The following LRRC27 variants were observed in gnomAD, a reference collection of about 807,000 sequenced individuals.
LRRC27 encodes leucine-rich repeat-containing protein 27.
A neutral mutation model predicts 55.0 loss-of-function variants in LRRC27; 57 were observed. That is an observed-to-expected ratio of 1.04 (90% CI 0.84 to 1.29). The LOEUF (loss-of-function observed/expected upper bound fraction) is 1.29, where lower values mean the gene tolerates loss of function less well. Ranked by LOEUF, LRRC27 falls within the 50% of genes most tolerant of loss-of-function variation. The probability of loss-of-function intolerance (pLI) is 0.00; values close to 1 mark genes in which losing one functional copy is unlikely to be tolerated. For missense variants in LRRC27, 721 were observed against 651.5 expected (o/e 1.11, Z -1.16); for synonymous variants, 278 against 251.9 (o/e 1.10, Z -0.98).
intron 10 of LRRC27, chr10:132,367,038 C>G: frequency 1.8e-6 from 2 of 1,101,400 alleles, no homozygotes; most frequent in South Asian, 3.8e-5. Flanking sequence ...CCTTGGACAC[C>G]CAAACCCTGC....
chr10:132,338,390 A>G (rs1479441394), intron 3 of LRRC27, among the ~76,000 whole-genome samples: 5 of 152,220 alleles, frequency 3.3e-5, no homozygotes, highest in Admixed American at 6.5e-5. Flanking sequence ...GGTTCTTGGC[A>G]AATAGTGAGA....
At chr10:132,373,050 G>A (rs1476145254) in intron 10 of LRRC27, among the ~76,000 whole-genome samples, 1 of 152,154 alleles carries the variant, frequency 6.6e-6, no homozygotes, top group African/African-American at 2.4e-5. Flanking sequence ...TGACAAGCCA[G>A]AATTAAAATC....
At chr10:132,365,337 A>G (rs1362920945) in intron 9 of LRRC27, 87 bp from the exon 10 acceptor site, 23 of 1,542,344 alleles carry the variant, frequency 1.5e-5, no homozygotes, top group Non-Finnish European at 2.0e-5. Flanking sequence ...GAAGAAAGGC[A>G]CATGCTTTCT....
intron 8 of LRRC27, among the ~76,000 whole-genome samples, chr10:132,360,408 T>C (rs1354355977): frequency 6.6e-6 from 1 of 152,172 alleles, no homozygotes; most frequent in Non-Finnish European, 1.5e-5. Flanking sequence ...GATTTAGCAT[T>C]TGTTCTTTTC....
chr10:132,357,015 C>A (rs547343676), intron 8 of LRRC27, among the ~76,000 whole-genome samples: 1 of 152,258 alleles, frequency 6.6e-6, no homozygotes, highest in Non-Finnish European at 1.5e-5. Flanking sequence ...GGCCTGCAGG[C>A]GTGGACTGCT....
rs1564852906 is a variant in LRRC27 at position 132,364,373 on chromosome 10, C to CCACGCTTACATCTACCTCCA, written c.1290-1048_1290-1047insGCTTACATCTACCTCCACAC. ...TCTACCTCCACACCCGCGCTTACAC[C>CCACGCTTACATCTACCTCCA]CACCCACACTTACACCCACCCTTAC... On this transcript the variant is annotated intron_variant, in intron 9 of 10. Coordinates refer to ENST00000368614, the MANE Select transcript of LRRC27 (RefSeq NM_030626.3). Among the ~76,000 whole-genome samples the CCACGCTTACATCTACCTCCA allele has an allele frequency of 2.4e-3, 50 of 21,020 alleles. 7 individuals are homozygous for CCACGCTTACATCTACCTCCA. The highest frequency in any genetic ancestry group is 0.04 in the East Asian group (2 of 50). The allele number at this position is 21,020 out of a possible 152,430, so 13.8% of individuals were successfully genotyped here.
Position 132,375,056 on chromosome 10 carries a change from C to G in LRRC27, c.1417-10C>G. On this transcript the variant is annotated splice_polypyrimidine_tract_variant and intron_variant, in intron 10 of 10. Coordinates refer to ENST00000368614, the MANE Select transcript of LRRC27 (RefSeq NM_030626.3). ...CTTTCTAACATCTCCCCCTCCTTGT[C>G]TCCCATAAGGCCACAGAGCTACAGG... 1 of 1,600,168 alleles carries G rather than the reference C, an allele frequency of 6.2e-7. No homozygotes were observed. Among genetic ancestry groups the G allele is most frequent in the Non-Finnish European group, 8.5e-7 (1 of 1,170,642 alleles).
chr10:132,368,348 A>G (rs1353848247), intron 10 of LRRC27, among the ~76,000 whole-genome samples: 2 of 152,250 alleles, frequency 1.3e-5, no homozygotes, highest in Non-Finnish European at 2.9e-5. Flanking sequence ...GCATATATGG[A>G]GAGGATGAGA....
At chr10:132,371,680 CAT>C (rs2069220583) in intron 10 of LRRC27, among the ~76,000 whole-genome samples, 1 of 152,226 alleles carries the variant, frequency 6.6e-6, no homozygotes, top group Non-Finnish European at 1.5e-5. Flanking sequence ...TGCAGCCAGA[CAT>C]TGGCCTGTGG....
intron 6 of LRRC27, chr10:132,351,283 T>G: frequency 3.6e-6 from 1 of 276,514 alleles, no homozygotes; most frequent in Non-Finnish European, 7.1e-6. Context: ...GGTGCGGCAT[T>G]GGTCTCAAGC....
At chr10:132,369,034 C>G (rs1181567700) in intron 10 of LRRC27, among the ~76,000 whole-genome samples, 2 of 152,182 alleles carry the variant, frequency 1.3e-5, no homozygotes, top group Non-Finnish European at 2.9e-5. Context: ...GATGGCAGAT[C>G]AGCATGTGAA....
At chr10:132,345,011 C>G (rs1251232254) in intron 5 of LRRC27, 1 of 182,210 alleles carries the variant, frequency 5.5e-6, no homozygotes, top group Non-Finnish European at 1.2e-5. Context: ...TGAAATATTC[C>G]TTATTCCTAA....
chr10:132,370,036 A>G (rs931177959), intron 10 of LRRC27, among the ~76,000 whole-genome samples: 2 of 152,114 alleles, frequency 1.3e-5, no homozygotes, highest in Non-Finnish European at 2.9e-5. Flanking sequence ...AGGTCAGAAA[A>G]CCCAGACTCA....
At position 132,350,066 on chromosome 10, in the gene LRRC27, G is replaced by A. The variant is rs369998620; in HGVS notation, c.927-1541G>A. Among the ~76,000 whole-genome samples the A allele has an allele frequency of 2.6e-5, 4 of 152,306 alleles. No homozygotes were observed. In the South Asian group the frequency reaches 8.3e-4, roughly 32 times the overall value. ...AAGCTGGTGCTCCTCTGTGTTCTCTGGCCAGGGAGCAGTGGGCATGGTGAG... is the reference window on the plus strand; with the variant it reads ...AAGCTGGTGCTCCTCTGTGTTCTCTAGCCAGGGAGCAGTGGGCATGGTGAG... On this transcript the variant is annotated intron_variant, in intron 6 of 10. Coordinates refer to ENST00000368614, the MANE Select transcript of LRRC27 (RefSeq NM_030626.3).
chr10:132,351,311 C>A (rs996623578), intron 6 of LRRC27: 2 of 336,808 alleles, frequency 5.9e-6, no homozygotes, highest in East Asian at 6.3e-5. Context: ...GTGCAGCTGC[C>A]GAGGCTGCAC....
intron 3 of LRRC27, among the ~76,000 whole-genome samples, chr10:132,338,750 C>T (rs1350806788): frequency 2.0e-5 from 3 of 146,600 alleles, no homozygotes; most frequent in African/African-American, 7.6e-5. Context: ...TGCTCTGTCT[C>T]CCAGGCTGGA....
chr10:132,343,640 C>T (rs2067528878), intron 4 of LRRC27, among the ~76,000 whole-genome samples: 1 of 152,216 alleles, frequency 6.6e-6, no homozygotes, highest in African/African-American at 2.4e-5. Flanking sequence ...CAGGGCAGAG[C>T]CCATTAATGG....
At chr10:132,360,150 C>T (rs377499763) in intron 8 of LRRC27, among the ~76,000 whole-genome samples, 8 of 152,190 alleles carry the variant, frequency 5.3e-5, no homozygotes, top group African/African-American at 1.9e-4. Context: ...GGCTGAAGTG[C>T]AGTGGCACAA....
At chr10:132,361,625 C>T in intron 9 of LRRC27, 50 bp downstream of exon 9, 1 of 1,323,424 alleles carries the variant, frequency 7.6e-7, no homozygotes, top group Non-Finnish European at 1.1e-6. Flanking sequence ...AGCCAGCCAC[C>T]CACGGGCAGG....
Sources: allele counts gnomAD v4.1 joint callset (sites outside exome capture counted in the v4.1 genomes callset), GRCh38; gene constraint gnomAD v4.1.1; transcripts MANE v1.5; gene names NCBI Gene and HGNC (gene_info 2026-07-23, HGNC 2026-07-21).